Variants in DNAH6 observed in about 807,000 individuals in gnomAD.
The protein encoded by DNAH6 is dynein axonemal heavy chain 6.
Under a neutral mutation model 491.4 loss-of-function variants are expected in DNAH6, and 340 were observed. The ratio of observed to expected loss-of-function variants is 0.69; its 90% CI spans 0.63 to 0.76. DNAH6 has a LOEUF of 0.76. DNAH6 is among the 30% of genes least tolerant of loss of function. The pLI is 0.00. For synonymous variants in DNAH6, 1,603 were observed against 1,686.1 expected (o/e 0.95, Z 1.21); for missense variants, 4,443 against 4,972.2 (o/e 0.89, Z 3.20).
At chr2:84,744,026 G>A (rs1672746858) in intron 62 of DNAH6, among the ~76,000 whole-genome samples, 1 of 152,080 alleles carries the variant, frequency 6.6e-6, no homozygotes, top group African/African-American at 2.4e-5. Context: ...AGAGTATTGT[G>A]ACATGGTATG....
At chr2:84,490,231 C>CT in the DNAH6 span, among the ~76,000 whole-genome samples, 134,477 of 152,124 alleles carry the variant, frequency 0.88, 60,299 homozygotes, top group East Asian at 1. Flanking sequence ...AAAGTCTTAA[C>CT]GCTTGGTTTT....
chr2:84,701,190 T>A lies in DNAH6; in HGVS notation c.7912T>A (p.Cys2638Ser). ...EELKEKLPLM[C>S]VNVHLSVSSM... The stretch of plus-strand genomic sequence containing the variant: ...ACTGAAAGAAAAGCTTCCCTTGATG[T>A]GCGTGAACGTTCACTTGAGTGTCTC... The change falls in exon 49 of 77, where the codon TGC becomes AGC. Residue 2638 changes from cysteine to serine, a missense_variant. Transcript: ENST00000389394. 1 of 1,551,778 alleles carries A rather than the reference T, an allele frequency of 6.4e-7. No individual in the cohort carries two copies. The highest frequency in any genetic ancestry group is 1.2e-5 in the South Asian group (1 of 84,056).
intron 20 of DNAH6, among the ~76,000 whole-genome samples, chr2:84,605,799 TG>T (rs1469328900): frequency 6.6e-6 from 1 of 152,214 alleles, no homozygotes; most frequent in East Asian, 1.9e-4. Context: ...TTCATATATA[TG>T]TAAGAGTTGC....
chr2:84,596,980 A>G (rs1191952972), intron 18 of DNAH6, among the ~76,000 whole-genome samples: 1 of 152,162 alleles, frequency 6.6e-6, no homozygotes, highest in Non-Finnish European at 1.5e-5. Context: ...ATACAGTTCT[A>G]TGGGTTTTTA....
intron 26 of DNAH6, 112 bp downstream of exon 26, chr2:84,621,663 A>G: frequency 1.7e-6 from 1 of 599,286 alleles, no homozygotes; most frequent in Non-Finnish European, 2.9e-6. Flanking sequence ...TAATGCTCTG[A>G]CATTTGTAAT....
chr2:84,530,514 G>A (rs572780644), intron 4 of DNAH6, among the ~76,000 whole-genome samples: 1 of 152,264 alleles, frequency 6.6e-6, no homozygotes, highest in East Asian at 1.9e-4. Context: ...AGGATATATC[G>A]TGCAAGACCT....
chr2:84,605,986 A>G (rs1685719442), intron 20 of DNAH6, among the ~76,000 whole-genome samples: 1 of 152,238 alleles, frequency 6.6e-6, no homozygotes, highest in Non-Finnish European at 1.5e-5. Flanking sequence ...TAAACAAGGC[A>G]AAGAAACCTG....
chr2:84,740,481 G>T (rs1672419898), intron 62 of DNAH6, among the ~76,000 whole-genome samples: 1 of 152,192 alleles, frequency 6.6e-6, no homozygotes, highest in Admixed American at 6.5e-5. Flanking sequence ...CGGAGCAAGT[G>T]TGACCCCCTC....
chr2:84,653,903 A>C lies in DNAH6; in HGVS notation c.5634+29A>C, dbSNP rs760182879. 1.3e-5 allele frequency: 20 copies of C among 1,493,654 alleles called. No homozygotes were observed. The African/African-American group carries it at 2.5e-4, about 19-fold the overall frequency. The allele number at this position is 1,493,654 out of a possible 1,614,324, so 92.5% of individuals were successfully genotyped here. ...AGTGTACACATTACTGTGGAGTGAA[A>C]TCATTCATTAAATTGGCATACTATC... On this transcript the variant is annotated intron_variant, in intron 34 of 76. Transcript: ENST00000389394.
chr2:84,502,901 G>A, the DNAH6 span, among the ~76,000 whole-genome samples: 48 of 152,146 alleles, frequency 3.2e-4, 1 homozygote, highest in African/African-American at 1.2e-3. Context: ...GGGAATATGT[G>A]TTTCTTATAA....
chr2:84,779,139 A>G (rs1676431245), intron 64 of DNAH6, among the ~76,000 whole-genome samples: 1 of 152,206 alleles, frequency 6.6e-6, no homozygotes, highest in African/African-American at 2.4e-5. Context: ...AGTATTCTGT[A>G]GATAGATCTT....
At chr2:84,735,949 A>G (rs1699504504) in intron 62 of DNAH6, among the ~76,000 whole-genome samples, 1 of 152,084 alleles carries the variant, frequency 6.6e-6, no homozygotes. Context: ...TGCCTAGGCC[A>G]ATGTCTAGAA....
intron 68 of DNAH6, among the ~76,000 whole-genome samples, chr2:84,794,448 C>G (rs1425723055): frequency 6.6e-6 from 1 of 151,028 alleles, no homozygotes; most frequent in Non-Finnish European, 1.5e-5. Flanking sequence ...GGTTAATATC[C>G]AGAATCTACA....
At chr2:84,506,746 A>C in the DNAH6 span, among the ~76,000 whole-genome samples, 10 of 152,154 alleles carry the variant, frequency 6.6e-5, no homozygotes, top group Non-Finnish European at 1.5e-4. Context: ...TTTTTGTATA[A>C]GGTGTAAGGA....
At position 84,819,347 on chromosome 2, in the gene DNAH6, A is replaced by G. The variant is rs1680809339; in HGVS notation, c.12416A>G (p.Lys4139Arg). Residue 4139 changes from lysine to arginine, a missense_variant, in exon 77 of 77, where the codon AAG (lysine) becomes AGG (arginine). Coordinates refer to ENST00000389394, the MANE Select transcript of DNAH6 (RefSeq NM_001370.2). ...GTGGTAACCGTCCTGTTACCCTCCAAGCGGTCCAAAGACTACTGGATTGCC... is the reference window on the plus strand; with the variant it reads ...GTGGTAACCGTCCTGTTACCCTCCAGGCGGTCCAAAGACTACTGGATTGCC... Reference protein sequence around the residue: ...NFVVTVLLPSKRSKDYWIAKG... With the variant: ...NFVVTVLLPSRRSKDYWIAKG... 1 of 1,551,456 alleles carries G rather than the reference A, an allele frequency of 6.4e-7. No individual in the cohort carries two copies. The highest frequency in any genetic ancestry group is 8.7e-7 in the Non-Finnish European group (1 of 1,146,880).
intron 18 of DNAH6, among the ~76,000 whole-genome samples, chr2:84,598,950 A>T (rs1684951697): frequency 6.7e-6 from 1 of 150,060 alleles, no homozygotes; most frequent in Non-Finnish European, 1.5e-5. Context: ...GAATCGCTTG[A>T]ACCTGGGAGG....
At chr2:84,704,015 T>C (rs925206827) in intron 50 of DNAH6, 52 bp from the exon 51 acceptor site, 1 of 1,376,758 alleles carries the variant, frequency 7.3e-7, no homozygotes, top group East Asian at 2.5e-5. Flanking sequence ...TTGTTTTGAA[T>C]ATTAAAATTC....
At chr2:84,814,146 G>A (rs1195418054) in intron 75 of DNAH6, 24 bp downstream of exon 75, 1 of 1,547,162 alleles carries the variant, frequency 6.5e-7, no homozygotes, top group East Asian at 2.5e-5. Context: ...GGCTGTTATG[G>A]CAAAGCAGCT....
the DNAH6 span, among the ~76,000 whole-genome samples, chr2:84,491,568 C>T: frequency 3.9e-5 from 6 of 152,054 alleles, no homozygotes; most frequent in Admixed American, 6.6e-5. Flanking sequence ...ACTTTTTTGC[C>T]GTAAAGGGAC....
Sources: allele counts gnomAD v4.1 joint callset (sites outside exome capture counted in the v4.1 genomes callset), GRCh38; gene constraint gnomAD v4.1.1; transcripts MANE v1.5; gene names NCBI Gene and HGNC (gene_info 2026-07-23, HGNC 2026-07-21).